The following ZBTB20 variants were observed in gnomAD, a reference collection of about 807,000 sequenced individuals.
ZBTB20 encodes the protein zinc finger and BTB domain containing 20.
In ZBTB20, 9 loss-of-function variants were observed where a neutral mutation model predicts 56.9. That is an observed-to-expected ratio of 0.16 (90% CI 0.10 to 0.28). ZBTB20 has a LOEUF of 0.28. ZBTB20 is among the 10% of genes least tolerant of loss of function. ZBTB20 has a pLI of 1.00. For synonymous variants in ZBTB20, 417 were observed against 420.7 expected (o/e 0.99, Z 0.11); for missense variants, 655 against 1,003.0 (o/e 0.65, Z 4.69).
At chr3:114,792,638 C>T (rs572792744) in intron 5 of ZBTB20, among the ~76,000 whole-genome samples, 1 of 152,122 alleles carries the variant, frequency 6.6e-6, no homozygotes, top group Admixed American at 6.5e-5. Context: ...TAGAAAATGA[C>T]CTCTTCAGAA....
At position 114,473,239 on chromosome 3, in the gene ZBTB20, C is replaced by T. The variant is rs149197761; in HGVS notation, c.-255+27113G>A. 2.4e-3 allele frequency among the ~76,000 whole-genome samples: 360 copies of T among 152,300 alleles called. 2 individuals carry two copies. The highest frequency in any genetic ancestry group is 8.0e-3 in the African/African-American group (331 of 41,570). On this transcript the variant is annotated intron_variant, in intron 7 of 11. Coordinates refer to ENST00000675478, the MANE Select transcript of ZBTB20 (RefSeq NM_001348800.3). ...TACCCCTTCGGCACACACTACATAT[C>T]TTTCACATTTTATAAAATCACAGGA...
At chr3:114,639,874 T>G (rs1054897662) in intron 6 of ZBTB20, among the ~76,000 whole-genome samples, 1 of 151,994 alleles carries the variant, frequency 6.6e-6, no homozygotes, top group Non-Finnish European at 1.5e-5. Context: ...CACATAGCAA[T>G]AGGTTCTCAT....
chr3:115,037,762 T>C (rs1323508811), intron 2 of ZBTB20, among the ~76,000 whole-genome samples: 2 of 152,148 alleles, frequency 1.3e-5, no homozygotes, highest in African/African-American at 4.8e-5. Flanking sequence ...AGAATTAATC[T>C]AGGGGGAGGA....
At chr3:114,809,629 TTTCAA>T (rs2072367712) in intron 4 of ZBTB20, among the ~76,000 whole-genome samples, 1 of 152,182 alleles carries the variant, frequency 6.6e-6, no homozygotes, top group Non-Finnish European at 1.5e-5. Flanking sequence ...ATAATAGTGC[TTTCAA>T]CTCTTTGTTT....
chr3:114,966,332 C>T (rs952620031), intron 3 of ZBTB20, among the ~76,000 whole-genome samples: 6 of 151,862 alleles, frequency 4.0e-5, no homozygotes, highest in African/African-American at 1.2e-4. Flanking sequence ...AAGAAGCACA[C>T]GAGGTGAATG....
chr3:115,143,631 C>T (rs1374989107), intron 1 of ZBTB20, among the ~76,000 whole-genome samples: 2 of 152,166 alleles, frequency 1.3e-5, no homozygotes, highest in African/African-American at 4.8e-5. Context: ...ACTTTGCTAA[C>T]GGGATAATAC....
At chr3:114,409,563 T>A (rs553163518) in intron 7 of ZBTB20, among the ~76,000 whole-genome samples, 7 of 152,094 alleles carry the variant, frequency 4.6e-5, no homozygotes, top group Non-Finnish European at 7.4e-5. Context: ...AGGCCACAAC[T>A]ACTCGGCACT....
At chr3:114,798,809 ACAG>A (rs146136773) in intron 5 of ZBTB20, among the ~76,000 whole-genome samples, 223 of 152,058 alleles carry the variant, frequency 1.5e-3, no homozygotes, top group African/African-American at 5.1e-3. Flanking sequence ...GAACATGATA[ACAG>A]TAGAATTCAC....
chr3:114,697,017 T>G (rs1232456803), intron 5 of ZBTB20, among the ~76,000 whole-genome samples: 1 of 149,592 alleles, frequency 6.7e-6, no homozygotes, highest in Non-Finnish European at 1.5e-5. Flanking sequence ...AGCATCTAGA[T>G]GTTTTCTCTT....
At chr3:114,341,920 T>C (rs551213313) in intron 11 of ZBTB20, among the ~76,000 whole-genome samples, 9 of 152,324 alleles carry the variant, frequency 5.9e-5, no homozygotes, top group Admixed American at 5.9e-4. Context: ...ACTGAATGCA[T>C]TAACAGTCTC....
intron 6 of ZBTB20, among the ~76,000 whole-genome samples, chr3:114,656,544 C>T (rs1222326211): frequency 2.0e-5 from 3 of 151,950 alleles, no homozygotes; most frequent in Non-Finnish European, 2.9e-5. Context: ...TCCTTTTTCT[C>T]TCTGTTCTTT....
intron 6 of ZBTB20, among the ~76,000 whole-genome samples, chr3:114,520,434 C>T (rs958890735): frequency 6.6e-5 from 10 of 152,112 alleles, no homozygotes; most frequent in Non-Finnish European, 1.2e-4. Context: ...ACAATTACTA[C>T]AGAAATCAAG....
chr3:115,000,329 T>A (rs758926556), intron 2 of ZBTB20, among the ~76,000 whole-genome samples: 11 of 151,850 alleles, frequency 7.2e-5, no homozygotes, highest in Non-Finnish European at 1.5e-4. Flanking sequence ...TATTTGTAAA[T>A]TAGCAGACTA....
In ZBTB20 at chr3:114,499,564, G is replaced by A. The variant is rs148048431; in HGVS notation, c.-255+788C>T. 6.4e-3 allele frequency among the ~76,000 whole-genome samples: 971 copies of A among 152,316 alleles called. 5 individuals carry two copies. Among genetic ancestry groups the A allele is most frequent in the Non-Finnish European group, 0.012 (784 of 68,020 alleles). ...TCACATTAGGTGACTATCACTACCTGTAGGATCTTTTGGGTGGTGTCTCTT... is the reference window on the plus strand; with the variant it reads ...TCACATTAGGTGACTATCACTACCTATAGGATCTTTTGGGTGGTGTCTCTT... On this transcript the variant is annotated intron_variant, in intron 7 of 11. Coordinates refer to ENST00000675478, the MANE Select transcript of ZBTB20 (RefSeq NM_001348800.3).
intron 3 of ZBTB20, among the ~76,000 whole-genome samples, chr3:114,968,249 T>C (rs757019503): frequency 1.3e-5 from 2 of 152,276 alleles, no homozygotes; most frequent in Non-Finnish European, 2.9e-5. Context: ...AATAAAATGT[T>C]CTTTAAAAAC....
At chr3:114,618,889 A>C (rs2058119439) in intron 6 of ZBTB20, among the ~76,000 whole-genome samples, 1 of 152,228 alleles carries the variant, frequency 6.6e-6, no homozygotes. Flanking sequence ...CTAGGAATGC[A>C]ATTAGCAGGA....
At chr3:114,589,719 T>C (rs1224013902) in intron 6 of ZBTB20, among the ~76,000 whole-genome samples, 2 of 152,214 alleles carry the variant, frequency 1.3e-5, no homozygotes, top group East Asian at 3.8e-4. Context: ...CATGTCTATT[T>C]TTCCCACCAA....
intron 6 of ZBTB20, among the ~76,000 whole-genome samples, chr3:114,567,491 C>T (rs1262458990): frequency 6.6e-6 from 1 of 152,174 alleles, no homozygotes; most frequent in African/African-American, 2.4e-5. Context: ...GTTGAGATTA[C>T]TGCTGGTTGG....
chr3:115,021,994 A>C (rs1456232688), intron 2 of ZBTB20, among the ~76,000 whole-genome samples: 4 of 150,766 alleles, frequency 2.7e-5, no homozygotes, highest in Non-Finnish European at 6.0e-5. Context: ...TCTGAATACT[A>C]GCAACATTTT....
Sources: allele counts gnomAD v4.1 joint callset (sites outside exome capture counted in the v4.1 genomes callset), GRCh38; gene constraint gnomAD v4.1.1; transcripts MANE v1.5; gene names NCBI Gene and HGNC (gene_info 2026-07-23, HGNC 2026-07-21).